Variants in HGSNAT observed in about 807,000 individuals in gnomAD.
HGSNAT encodes the protein transmembrane protein 76.
Under a neutral mutation model 85.2 loss-of-function variants are expected in HGSNAT, and 59 were observed. The observed-to-expected ratio is 0.69, with a 90% confidence interval of 0.56 to 0.86. HGSNAT has a LOEUF of 0.86. Among genes scored for constraint, HGSNAT ranks in the 40% least tolerant of loss-of-function variants. The probability of loss-of-function intolerance (pLI) is 0.00; values close to 1 mark genes in which losing one functional copy is unlikely to be tolerated. For missense variants in HGSNAT, 756 were observed against 777.1 expected (o/e 0.97, Z 0.32); for synonymous variants, 321 against 304.5 (o/e 1.05, Z -0.56).
intron 1 of HGSNAT, among the ~76,000 whole-genome samples, chr8:43,144,904 G>A (rs572021566): frequency 5.9e-5 from 9 of 152,230 alleles, no homozygotes; most frequent in African/African-American, 7.2e-5. Flanking sequence ...TGATTTTGCC[G>A]TTTCCTTGTG....
At position 43,201,874 on chromosome 8, in the gene HGSNAT, A is replaced by G. The variant is rs886062963; in HGVS notation, c.*2305A>G. On this transcript the variant is annotated 3_prime_UTR_variant, in exon 18 of 18. Transcript: ENST00000379644. This position sits in a 1 kb window ranked among gnomAD's most constrained non-coding sequence, Gnocchi z 4.4. ...ATATTTAAGTGCTGGTAAGATGAGC[A>G]TGTATCCGGGGTGCCCATGAAATGT... The G allele has an allele frequency of 6.6e-6, 1 of 152,200 alleles. No individual in the cohort carries two copies. The highest frequency in any genetic ancestry group is 1.5e-5 in the Non-Finnish European group (1 of 68,046). 9.4% of individuals were successfully genotyped at this position (152,200 alleles called of 1,614,324 possible).
chr8:43,175,781 G>A (rs1466845666), intron 9 of HGSNAT, among the ~76,000 whole-genome samples: 5 of 151,648 alleles, frequency 3.3e-5, no homozygotes, highest in Admixed American at 3.3e-4. Context: ...TGGCCAGGCT[G>A]GTCTTGAACT....
intron 1 of HGSNAT, among the ~76,000 whole-genome samples, chr8:43,146,355 T>G (rs1802710538): frequency 6.6e-6 from 1 of 152,226 alleles, no homozygotes. Context: ...CTCGCTAACC[T>G]GTCTGACTCA....
chr8:43,184,711 C>G (rs1049375685), intron 11 of HGSNAT, among the ~76,000 whole-genome samples: 1 of 152,210 alleles, frequency 6.6e-6, no homozygotes, highest in Non-Finnish European at 1.5e-5. Context: ...AGTCCTTGCC[C>G]ATGCCTGTGT....
At chr8:43,175,458 C>G (rs1320714102) in intron 9 of HGSNAT, among the ~76,000 whole-genome samples, 1 of 151,660 alleles carries the variant, frequency 6.6e-6, no homozygotes, top group Non-Finnish European at 1.5e-5. Flanking sequence ...CTTTGACTTG[C>G]ATTTCTCTGA....
chr8:43,181,948 A>G, intron 10 of HGSNAT, 197 bp from the exon 11 acceptor site: 2 of 595,228 alleles, frequency 3.4e-6, no homozygotes, highest in Non-Finnish European at 6.0e-6. Context: ...CCCTCTATTA[A>G]GAGGGATTGG....
chr8:43,163,561 C>T (rs1385453711), intron 5 of HGSNAT, among the ~76,000 whole-genome samples: 5 of 149,468 alleles, frequency 3.3e-5, no homozygotes, highest in Non-Finnish European at 4.4e-5. Flanking sequence ...GAGTCTCACT[C>T]TGCCACGCAG....
intron 1 of HGSNAT, among the ~76,000 whole-genome samples, chr8:43,141,344 G>C (rs974332699): frequency 1.3e-5 from 2 of 152,142 alleles, no homozygotes; most frequent in Non-Finnish European, 2.9e-5. Flanking sequence ...CTTTTGCCCC[G>C]GGCCCCGGAC....
chr8:43,186,656 T>C (rs1291860583), intron 11 of HGSNAT, among the ~76,000 whole-genome samples: 1 of 152,234 alleles, frequency 6.6e-6, no homozygotes, highest in Non-Finnish European at 1.5e-5. Flanking sequence ...TCTGCTCTGA[T>C]CTTAGTTACT....
At chr8:43,153,418 G>A (rs959959578) in intron 2 of HGSNAT, among the ~76,000 whole-genome samples, 1 of 151,672 alleles carries the variant, frequency 6.6e-6, no homozygotes, top group Non-Finnish European at 1.5e-5. Flanking sequence ...ATCTCGAACT[G>A]CTGAGCTCAA....
intron 1 of HGSNAT, 22 bp from the exon 2 acceptor site, chr8:43,146,925 TA>T (rs1364126775): frequency 4.6e-6 from 6 of 1,301,050 alleles, no homozygotes; most frequent in Non-Finnish European, 5.3e-6. Flanking sequence ...TTTTTTTTTT[TA>T]ACTTTTCCTA....
intron 1 of HGSNAT, among the ~76,000 whole-genome samples, chr8:43,141,404 G>A (rs564384807): frequency 6.6e-6 from 1 of 152,278 alleles, no homozygotes; most frequent in South Asian, 2.1e-4. Flanking sequence ...AGCTCATACC[G>A]TGATTGCACA....
chr8:43,167,002 A>T (rs1439200315), intron 5 of HGSNAT, among the ~76,000 whole-genome samples: 3 of 152,178 alleles, frequency 2.0e-5, no homozygotes, highest in Non-Finnish European at 1.5e-5. Flanking sequence ...ATAACTGCAG[A>T]TGTGGTGGAA....
rs1182131036 is a variant in HGSNAT, at chr8:43,146,971, G to A, written c.142G>A (p.Glu48Lys). 6.2e-7 allele frequency: 1 copy of A among 1,600,988 alleles called. No individual in the cohort carries two copies. The highest frequency in any genetic ancestry group is 8.5e-7 in the Non-Finnish European group (1 of 1,175,116). Residue 48 changes from glutamate to lysine, a missense_variant, in exon 2 of 18, where the codon GAG (glutamate) becomes AAG (lysine). Glu to Lys is a moderately conservative substitution (Grantham distance 56). Transcript: ENST00000379644. ...PRDLDKKRHA[E>K]LKMDQALLLI... is the part of the protein sequence containing the mutation. Reference sequence around the variant, plus strand: ...AGACTTAGACAAAAAAAGACATGCAGAGCTGAAGATGGATCAGGCTTTGCT... The same window carrying A: ...AGACTTAGACAAAAAAAGACATGCAAAGCTGAAGATGGATCAGGCTTTGCT...
chr8:43,182,338 A>G (rs748935157), intron 11 of HGSNAT, 78 bp downstream of exon 11: 12 of 1,169,910 alleles, frequency 1.0e-5, no homozygotes, highest in South Asian at 3.7e-5. Context: ...CGGTCTCACT[A>G]TGTTGTCCAG....
chr8:43,140,870 G>A (rs925694122), intron 1 of HGSNAT, among the ~76,000 whole-genome samples: 2 of 152,158 alleles, frequency 1.3e-5, no homozygotes, highest in Admixed American at 6.5e-5. Context: ...TGGGCGCCCA[G>A]GCGGCGCCCA....
At position 43,191,462 on chromosome 8, in the gene HGSNAT, G is replaced by GC. The variant is rs1586750701; in HGVS notation, c.1129-7dup. ...TAGTTCACCCGTGTTTTATTTTTCT[G>GC]CCCCCACTCAGGAGAGGAGCTGCCT... On this transcript the variant is annotated splice_polypyrimidine_tract_variant and intron_variant, in intron 11 of 17. Transcript: ENST00000379644. 6.2e-7 allele frequency: 1 copy of GC among 1,609,760 alleles called. No individual in the cohort carries two copies. The highest frequency in any genetic ancestry group is 8.5e-7 in the Non-Finnish European group (1 of 1,176,528).
At chr8:43,145,217 T>C in intron 1 of HGSNAT, among the ~76,000 whole-genome samples, 1 of 152,134 alleles carries the variant, frequency 6.6e-6, no homozygotes, top group Non-Finnish European at 1.5e-5. Context: ...GAGGCTTGGG[T>C]AAGGAAGATG....
At chr8:43,141,841 C>A (rs1471647154) in intron 1 of HGSNAT, among the ~76,000 whole-genome samples, 1 of 152,090 alleles carries the variant, frequency 6.6e-6, no homozygotes, top group Non-Finnish European at 1.5e-5. Flanking sequence ...CACAATTTGT[C>A]AGGGACTGAT....
Sources: gnomAD v4.1 joint callset for allele counts (sites outside exome capture counted in the v4.1 genomes callset) on GRCh38, gnomAD v4.1.1 for gene constraint, Gnocchi (gnomAD v3.1) non-coding constraint, MANE v1.5 for transcripts, NCBI Gene and HGNC (gene_info 2026-07-23, HGNC 2026-07-21) for gene names.